PDE1A: variants seen among roughly 807,000 people sequenced by gnomAD.
PDE1A encodes dual specificity calcium/calmodulin-dependent 3',5'-cyclic nucleotide phosphodiesterase 1A.
A neutral mutation model predicts 61.7 loss-of-function variants in PDE1A; 35 were observed. The observed-to-expected ratio is 0.57, with a 90% CI of 0.43 to 0.75. The LOEUF (loss-of-function observed/expected upper bound fraction) is 0.75, where lower values mean the gene tolerates loss of function less well. Among genes scored for constraint, PDE1A ranks in the 30% least tolerant of loss-of-function variants. The probability of loss-of-function intolerance (pLI) is 0.00; values close to 1 mark genes in which losing one functional copy is unlikely to be tolerated. For synonymous variants in PDE1A, 232 were observed against 213.2 expected, an observed-to-expected ratio of 1.09 and a Z score of -0.77; for missense variants, 597 against 630.6, an observed-to-expected ratio of 0.95 and a Z score of 0.57.
chr2:182,483,462 A>C (rs376780586), intron 2 of PDE1A, among the ~76,000 whole-genome samples: 1 of 151,888 alleles, frequency 6.6e-6, no homozygotes, highest in Admixed American at 6.6e-5. Flanking sequence ...TATTGTCCAC[A>C]ACCACAACAA....
intron 2 of PDE1A, among the ~76,000 whole-genome samples, chr2:182,454,793 T>C (rs562427605): frequency 2.2e-3 from 333 of 152,094 alleles, no homozygotes; most frequent in Non-Finnish European, 3.6e-3. Flanking sequence ...GACTTACATG[T>C]TAGACCTAAA....
chr2:182,690,689 G>C, the PDE1A span, among the ~76,000 whole-genome samples: 1 of 152,156 alleles, frequency 6.6e-6, no homozygotes, highest in Non-Finnish European at 1.5e-5. Flanking sequence ...GGGCAATCGG[G>C]CAAGAGAAAG....
rs371524602 is a variant in PDE1A, at chr2:182,201,642, T to C, written c.1004+46A>G. On this transcript the variant is annotated intron_variant, in intron 9 of 13. Coordinates refer to ENST00000351439, the Ensembl canonical transcript of PDE1A. ...TTCTGAGGCCAAGCCCCTGGAACTT[T>C]AACATGACAAAAAAAAAAAAACAAC... 2.1e-5 allele frequency: 23 copies of C among 1,080,278 alleles called. No individual in the cohort carries two copies. The African/African-American group carries it at 4.1e-4, about 19-fold the overall frequency. The allele number at this position is 1,080,278 out of a possible 1,614,324, so 66.9% of individuals were successfully genotyped here.
chr2:182,551,407 A>C, the PDE1A span, among the ~76,000 whole-genome samples: 1 of 152,306 alleles, frequency 6.6e-6, no homozygotes, highest in East Asian at 1.9e-4. Context: ...TTGTCCCATG[A>C]GTAAGCTGAT....
At chr2:182,143,461 T>C (rs567783964), downstream of PDE1A, among the ~76,000 whole-genome samples, 74 of 152,210 alleles carry the variant, frequency 4.9e-4, no homozygotes, top group African/African-American at 1.7e-3. Context: ...TTACATACCT[T>C]GTCAAAAATA....
At chr2:182,648,509 C>CAAAAAAAAAAA in the PDE1A span, among the ~76,000 whole-genome samples, 1 of 39,702 alleles carries the variant, frequency 2.5e-5, no homozygotes, top group Non-Finnish European at 4.9e-5. Context: ...ACCCTGTCCC[C>CAAAAAAAAAAA]ACAAAAAAAA....
Position 182,201,668 on chromosome 2 carries a change from A to C in PDE1A, c.1004+20T>G, listed in dbSNP as rs1686661740. ...AACATGACAAAAAAAAAAAAACAAC[A>C]AAAAAAACACAAAACCTACCCTTCA... On this transcript the variant is annotated intron_variant, in intron 9 of 13. Transcript: ENST00000351439. 1.0e-5 allele frequency: 16 copies of C among 1,542,006 alleles called. No homozygotes were observed. The highest frequency in any genetic ancestry group is 1.4e-5 in the African/African-American group (1 of 70,958).
At chr2:182,229,400 C>T (rs1689389866) in intron 6 of PDE1A, among the ~76,000 whole-genome samples, 1 of 152,054 alleles carries the variant, frequency 6.6e-6, no homozygotes, top group South Asian at 2.1e-4. Flanking sequence ...TGGGAATCAT[C>T]CTGAGTTCTA....
chr2:182,660,480 C>T, the PDE1A span, among the ~76,000 whole-genome samples: 1 of 152,284 alleles, frequency 6.6e-6, no homozygotes, highest in East Asian at 1.9e-4. Flanking sequence ...TGTTACATTG[C>T]ATGACAAAAG....
rs527501425 is a variant in PDE1A at position 182,227,185 on chromosome 2, G to A, written c.675+2821C>T. Among the ~76,000 whole-genome samples the A allele has an allele frequency of 2.0e-5, 3 of 152,048 alleles. No individual in the cohort carries two copies. In the East Asian group the frequency reaches 5.8e-4, roughly 29 times the overall value. ...CAATATGCTGAACACATGCTTCTAA[G>A]GTTTCAAAAGTAGGATTTCTAGCTA... is the stretch of plus-strand genomic sequence containing the variant. On this transcript the variant is annotated intron_variant, in intron 6 of 13. Coordinates refer to ENST00000351439, the Ensembl canonical transcript of PDE1A.
intron 2 of PDE1A, among the ~76,000 whole-genome samples, chr2:182,441,718 T>C (rs532315148): frequency 8.2e-4 from 125 of 152,148 alleles, no homozygotes; most frequent in Non-Finnish European, 1.5e-3. Context: ...AAATCTGGAA[T>C]ACATCACACT....
At chr2:182,612,583 G>A in the PDE1A span, among the ~76,000 whole-genome samples, 60,953 of 152,026 alleles carry the variant, frequency 0.4, 13,652 homozygotes, top group East Asian at 0.58. Context: ...AAGGCCACAT[G>A]TATTTCACTC....
the PDE1A span, among the ~76,000 whole-genome samples, chr2:182,659,163 G>A: frequency 6.6e-6 from 1 of 152,106 alleles, no homozygotes; most frequent in Non-Finnish European, 1.5e-5. Flanking sequence ...TTGCCAAGCA[G>A]AATGTCTTCA....
At chr2:182,265,492 T>A (rs1244407198) in intron 1 of PDE1A, among the ~76,000 whole-genome samples, 6 of 152,128 alleles carry the variant, frequency 3.9e-5, no homozygotes, top group Non-Finnish European at 8.8e-5. Flanking sequence ...GAAAATATTT[T>A]CTCATGTTTG....
At chr2:182,606,162 G>C in the PDE1A span, among the ~76,000 whole-genome samples, 1 of 152,142 alleles carries the variant, frequency 6.6e-6, no homozygotes, top group African/African-American at 2.4e-5. Context: ...ATGTATGTAC[G>C]TATGTAGTTA....
Position 182,168,384 on chromosome 2 carries a change from T to C in PDE1A, c.1517-94A>G, listed in dbSNP as rs544584988. ...AGTAATTCTCATTTATAATCAGCCATGATTGTAAAAAATTACTGTCGTAAA... is the reference window on the plus strand; with the variant it reads ...AGTAATTCTCATTTATAATCAGCCACGATTGTAAAAAATTACTGTCGTAAA... On this transcript the variant is annotated intron_variant, in intron 13 of 13. Coordinates refer to ENST00000351439, the Ensembl canonical transcript of PDE1A. 115 of 1,157,866 alleles carry C rather than the reference T, an allele frequency of 9.9e-5. No individual in the cohort carries two copies. In the African/African-American group the frequency reaches 1.7e-3, roughly 17 times the overall value. The allele number at this position is 1,157,866 out of a possible 1,614,324, so 71.7% of individuals were successfully genotyped here.
the PDE1A span, among the ~76,000 whole-genome samples, chr2:182,690,631 G>A: frequency 5.9e-5 from 9 of 152,226 alleles, no homozygotes; most frequent in Non-Finnish European, 8.8e-5. Context: ...AGACAGGGAT[G>A]CCCTCTCTCA....
At chr2:182,163,525 T>A (rs2125302997), downstream of PDE1A, among the ~76,000 whole-genome samples, 1 of 152,278 alleles carries the variant, frequency 6.6e-6, no homozygotes, top group East Asian at 1.9e-4. Context: ...ATGTGCATTG[T>A]CAGGGGGCAG....
chr2:182,360,168 G>A (rs1699417865), intron 1 of PDE1A, among the ~76,000 whole-genome samples: 2 of 152,232 alleles, frequency 1.3e-5, no homozygotes, highest in East Asian at 1.9e-4. Context: ...ACGACTTCTG[G>A]AGAAGACGTG....
Sources: allele counts gnomAD v4.1 joint callset (sites outside exome capture counted in the v4.1 genomes callset), GRCh38; gene constraint gnomAD v4.1.1; transcripts MANE v1.5; gene names NCBI Gene and HGNC (gene_info 2026-07-23, HGNC 2026-07-21).